CEACAM6: variants seen among roughly 807,000 people sequenced by gnomAD.
CEACAM6 encodes CEA cell adhesion molecule 6.
In CEACAM6, 21 loss-of-function variants were observed where a neutral mutation model predicts 32.4. The observed-to-expected ratio is 0.65, with a 90% confidence interval of 0.46 to 0.93. CEACAM6 has a LOEUF of 0.93. CEACAM6 is among the 40% of genes least tolerant of loss of function. CEACAM6 has a pLI of 0.00. For synonymous variants in CEACAM6, 184 were observed against 174.4 expected (o/e 1.06, Z -0.43); for missense variants, 406 against 432.2 (o/e 0.94, Z 0.54).
intron 3 of CEACAM6, 33 bp from the exon 4 acceptor site, chr19:41,761,936 A>G (rs1555821941): frequency 6.2e-7 from 1 of 1,611,482 alleles, no homozygotes; most frequent in African/African-American, 1.3e-5. Context: ...CCCTCTGACA[A>G]CATCACCTGT....
chr19:41,763,589 T>C (rs2072939919), intron 4 of CEACAM6, among the ~76,000 whole-genome samples: 1 of 152,226 alleles, frequency 6.6e-6, no homozygotes, highest in African/African-American at 2.4e-5. Context: ...AGAAAGTCTG[T>C]ACTTCTCCCA....
At chr19:41,755,737 A>G (rs1600493581) in intron 1 of CEACAM6, 35 bp downstream of exon 1, 1 of 1,567,694 alleles carries the variant, frequency 6.4e-7, no homozygotes. Context: ...GGATGGGAGG[A>G]GGGAGCACAG....
At chr19:41,758,234 T>A (rs1555821427) in intron 2 of CEACAM6, among the ~76,000 whole-genome samples, 1 of 152,164 alleles carries the variant, frequency 6.6e-6, no homozygotes, top group African/African-American at 2.4e-5. Flanking sequence ...TCCCGATGTG[T>A]GGGTGTCACT....
Position 41,762,185 on chromosome 19 carries a change from G to A in CEACAM6, c.920G>A (p.Gly307Asp). Residue 307 changes from glycine to aspartate, a missense_variant, in exon 4 of 6, where the codon GGC (glycine) becomes GAC (aspartate). By Grantham distance (94) the Gly-to-Asp change is moderately conservative. Coordinates refer to ENST00000199764, the MANE Select transcript of CEACAM6 (RefSeq NM_002483.7). ...TGCCAAGCCCATAACTCAGCCACTG[G>A]CCTCAATAGGACCACAGTCACGATG... is the stretch of plus-strand genomic sequence containing the variant. ...YMCQAHNSAT[G>D]LNRTTVTMIT... The A allele has an allele frequency of 1.9e-6, 3 of 1,614,118 alleles. No homozygotes were observed. Among genetic ancestry groups the A allele is most frequent in the Non-Finnish European group, 2.5e-6 (3 of 1,180,026 alleles).
chr19:41,766,873 G>T (rs2122932019), intron 5 of CEACAM6, among the ~76,000 whole-genome samples: 1 of 152,054 alleles, frequency 6.6e-6, no homozygotes, highest in South Asian at 2.1e-4. Context: ...AGGCATGGTG[G>T]CGAGCACCTG....
At position 41,755,692 on chromosome 19, in the gene CEACAM6, C is replaced by A; in HGVS notation, c.54C>A (p.Val18=). The stretch of plus-strand genomic sequence containing the variant: ...GATTGCATGTCCCCTGGAAGGAGGT[C>A]CTGCTCACAGGTGAGGGGAGGACTC... The part of the protein sequence containing the change: ...PCRLHVPWKE[V]LLTASLLTFW... Residue 18 remains valine, a synonymous_variant, in exon 1 of 6, where the codon GTC becomes GTA. Coordinates refer to ENST00000199764, the MANE Select transcript of CEACAM6 (RefSeq NM_002483.7). The A allele has an allele frequency of 6.2e-7, 1 of 1,604,688 alleles. No individual in the cohort carries two copies. Among genetic ancestry groups the A allele is most frequent in the Non-Finnish European group, 8.5e-7 (1 of 1,176,214 alleles).
In CEACAM6 at chr19:41,762,047, C is replaced by T; in HGVS notation, c.782C>T (p.Ala261Val). The T allele has an allele frequency of 1.9e-6, 3 of 1,614,214 alleles. No individual in the cohort carries two copies. Among genetic ancestry groups the T allele is most frequent in the Non-Finnish European group, 2.5e-6 (3 of 1,180,030 alleles). Residue 261 changes from alanine to valine, a missense_variant, in exon 4 of 6, where the codon GCA becomes GTA. Transcript: ENST00000199764. ...PGENLNLSCH[A>V]ASNPPAQYSW... The stretch of plus-strand genomic sequence containing the variant: ...GAAAATCTGAACCTCTCCTGCCACG[C>T]AGCCTCTAACCCACCTGCACAGTAC...
At chr19:41,768,815 G>GC (rs1422434533) in intron 5 of CEACAM6, among the ~76,000 whole-genome samples, 1 of 152,158 alleles carries the variant, frequency 6.6e-6, no homozygotes, top group East Asian at 1.9e-4. Flanking sequence ...GGGCAGAGGC[G>GC]CCCCTCACCT....
At chr19:41,761,580 G>A (rs2122919505) in intron 3 of CEACAM6, 53 bp downstream of exon 3, 6 of 1,602,224 alleles carry the variant, frequency 3.7e-6, no homozygotes, top group Non-Finnish European at 5.1e-6. Flanking sequence ...AATCCACACA[G>A]CCAGAGTCCA....
Position 41,764,456 on chromosome 19 carries a change from TA to T in CEACAM6, c.959-1714del, listed in dbSNP as rs879965708. On this transcript the variant is annotated intron_variant, in intron 4 of 5. Coordinates refer to ENST00000199764, the MANE Select transcript of CEACAM6 (RefSeq NM_002483.7). ...CATATGCCATCATGCCTGGCTAGTT[TA>T]AAAAAAAAAAAATGTGGAGACTGTG... Among the ~76,000 whole-genome samples the T allele has an allele frequency of 3.6e-3, 528 of 144,922 alleles. 1 individual carries two copies. The highest frequency in any genetic ancestry group is 0.014 in the Middle Eastern group (4 of 282).
Position 41,756,612 on chromosome 19 carries a change from C to A in CEACAM6, c.77C>A (p.Thr26Asn). ...TCCTCTCTCCTAGCCTCACTTCTAA[C>A]CTTCTGGAACCCACCCACCACTGCC... ...KEVLLTASLL[T>N]FWNPPTTAKL... is the part of the protein sequence containing the mutation. Residue 26 changes from threonine to asparagine, a missense_variant, in exon 2 of 6, where the codon ACC (threonine) becomes AAC (asparagine). By Grantham distance (65) the Thr-to-Asn change is moderately conservative (BLOSUM62 0). Transcript: ENST00000199764. 3 of 1,613,746 alleles carry A rather than the reference C, an allele frequency of 1.9e-6. No individual in the cohort carries two copies. Among genetic ancestry groups the A allele is most frequent in the South Asian group, 1.1e-5 (1 of 91,042 alleles).
intron 2 of CEACAM6, among the ~76,000 whole-genome samples, chr19:41,760,897 C>T (rs953943846): frequency 6.6e-6 from 1 of 152,196 alleles, no homozygotes; most frequent in Admixed American, 6.5e-5. Flanking sequence ...AGACCCAGCA[C>T]CTGAATGTTT....
chr19:41,762,328 C>T, intron 4 of CEACAM6, 105 bp downstream of exon 4: 1 of 1,314,772 alleles, frequency 7.6e-7, no homozygotes, highest in Non-Finnish European at 1.1e-6. Context: ...CCAAGGGGCA[C>T]ACGCAAATCC....
At chr19:41,756,578 G>A (rs782665200) in intron 1 of CEACAM6, 22 bp from the exon 2 acceptor site, 22 of 1,606,128 alleles carry the variant, frequency 1.4e-5, no homozygotes, top group South Asian at 3.3e-5. Context: ...AATATTGACC[G>A]ATGCTCTCTC....
At chr19:41,767,737 G>A (rs2072964810) in intron 5 of CEACAM6, among the ~76,000 whole-genome samples, 1 of 152,112 alleles carries the variant, frequency 6.6e-6, no homozygotes, top group Non-Finnish European at 1.5e-5. Context: ...TTTTAGCTAG[G>A]AGGATTAGAA....
intron 5 of CEACAM6, among the ~76,000 whole-genome samples, chr19:41,766,985 G>A (rs1264084781): frequency 2.4e-5 from 3 of 127,572 alleles, no homozygotes; most frequent in Non-Finnish European, 4.7e-5. Context: ...CAGCCTGGGC[G>A]ACAGTGCAAG....
Position 41,761,412 on chromosome 19 carries a change from C to T in CEACAM6, c.588C>T (p.Gly196=), listed in dbSNP as rs200497564. The change falls in exon 3 of 6, where the codon GGC becomes GGT. Residue 196 remains glycine (G), a synonymous_variant. Coordinates refer to ENST00000199764, the MANE Select transcript of CEACAM6 (RefSeq NM_002483.7). ...PVSPRLQLSN[G]NMTLTLLSVK... ...GTCCCAGGCTGCAGCTGTCCAATGGCAACATGACCCTCACTCTACTCAGCG... is the reference window on the plus strand; with the variant it reads ...GTCCCAGGCTGCAGCTGTCCAATGGTAACATGACCCTCACTCTACTCAGCG... The T allele has an allele frequency of 6.8e-6, 11 of 1,614,186 alleles. No homozygotes were observed. In the East Asian group the frequency reaches 2.5e-4, roughly 36 times the overall value.
chr19:41,763,769 C>G (rs1409216003), intron 4 of CEACAM6, among the ~76,000 whole-genome samples: 1 of 152,190 alleles, frequency 6.6e-6, no homozygotes, highest in East Asian at 1.9e-4. Flanking sequence ...ACACGGCAAT[C>G]TTCTCTCTGT....
intron 5 of CEACAM6, among the ~76,000 whole-genome samples, chr19:41,767,434 A>G (rs1362867059): frequency 1.3e-5 from 2 of 152,268 alleles, no homozygotes; most frequent in South Asian, 2.1e-4. Flanking sequence ...CCCAGGGAAC[A>G]TAAAGCCCAA....
Sources: gnomAD v4.1 joint callset for allele counts (sites outside exome capture counted in the v4.1 genomes callset) on GRCh38, gnomAD v4.1.1 for gene constraint, MANE v1.5 for transcripts, NCBI Gene and HGNC (gene_info 2026-07-23, HGNC 2026-07-21) for gene names.